PIGN: variants seen among roughly 807,000 people sequenced by gnomAD.
The protein encoded by PIGN is GPI ethanolamine phosphate transferase 1.
Under a neutral mutation model 125.4 loss-of-function variants are expected in PIGN, and 117 were observed. That is an observed-to-expected ratio of 0.93 (90% CI 0.80 to 1.09). The LOEUF (loss-of-function observed/expected upper bound fraction) is 1.09, where lower values mean the gene tolerates loss of function less well. Ranked by LOEUF, PIGN falls within the 50% of genes least tolerant of loss-of-function variation. The pLI is 0.00. For missense variants in PIGN, 1,075 were observed against 1,094.9 expected, an observed-to-expected ratio of 0.98 and a Z score of 0.26; for synonymous variants, 392 against 377.8, an observed-to-expected ratio of 1.04 and a Z score of -0.44.
chr18:62,056,782 C>A (rs141237858), intron 30 of PIGN: 7 of 152,240 alleles, frequency 4.6e-5, no homozygotes, highest in Non-Finnish European at 2.9e-5. Flanking sequence ...GGGAAGTGAG[C>A]GAAGCTTCAT....
intron 22 of PIGN, among the ~76,000 whole-genome samples, chr18:62,096,894 G>A (rs1216994972): frequency 6.7e-6 from 1 of 148,684 alleles, no homozygotes; most frequent in East Asian, 2.0e-4. Flanking sequence ...GTATTCCATG[G>A]TGTATATGTG....
intron 1 of PIGN, among the ~76,000 whole-genome samples, chr18:62,170,119 G>A (rs996359128): frequency 6.6e-6 from 1 of 152,090 alleles, no homozygotes; most frequent in Non-Finnish European, 1.5e-5. Context: ...TTTCCCTAAT[G>A]ACTAATATTA....
At chr18:62,046,003 ACAGG>A in intron 30 of PIGN, 24 bp from the exon 31 acceptor site, 1 of 1,606,020 alleles carries the variant, frequency 6.2e-7, no homozygotes. Context: ...AAAAGATGTT[ACAGG>A]CAGAGAGAAC....
chr18:62,128,040 A>C (rs1171326428), intron 14 of PIGN, among the ~76,000 whole-genome samples: 2 of 152,212 alleles, frequency 1.3e-5, no homozygotes, highest in East Asian at 3.8e-4. Flanking sequence ...CTCTTGGTTT[A>C]GGATATTTAT....
At position 62,090,546 on chromosome 18, in the gene PIGN, C is replaced by T. The variant is rs764133639; in HGVS notation, c.2213G>A (p.Cys738Tyr). Residue 738 changes from cysteine to tyrosine, a missense_variant, in exon 24 of 31, where the codon TGT (cysteine) becomes TAT (tyrosine). This residue lies in a region of PIGN where 915 missense variants were observed against 908.7 expected (regional missense o/e 1.01). Coordinates refer to ENST00000640252, the MANE Select transcript of PIGN (RefSeq NM_176787.5). ...TATGTTTATCCAGACAAACATCAAA[C>T]AAGACAACACTAGTGGAAAGAGAGC... Reference protein sequence around the residue: ...YEALFPLVLSCLMFVWINIEQ... With the variant: ...YEALFPLVLSYLMFVWINIEQ... 23 of 1,609,444 alleles carry T rather than the reference C, an allele frequency of 1.4e-5. No individual in the cohort carries two copies. Among genetic ancestry groups the T allele is most frequent in the Non-Finnish European group, 2.0e-5 (23 of 1,176,914 alleles).
intron 7 of PIGN, among the ~76,000 whole-genome samples, chr18:62,149,877 T>C (rs1414622258): frequency 6.6e-6 from 1 of 152,234 alleles, no homozygotes; most frequent in African/African-American, 2.4e-5. Context: ...GCATTATCTT[T>C]ACTAAGATAG....
At chr18:62,068,980 C>A (rs2032686170) in intron 30 of PIGN, among the ~76,000 whole-genome samples, 1 of 152,188 alleles carries the variant, frequency 6.6e-6, no homozygotes, top group Admixed American at 6.5e-5. Flanking sequence ...CACACTGCAC[C>A]ATATGGCCTG....
intron 30 of PIGN, chr18:62,069,527 T>C (rs1463288430): frequency 6.6e-6 from 1 of 152,184 alleles, no homozygotes; most frequent in Non-Finnish European, 1.5e-5. Flanking sequence ...GGAACAAAAT[T>C]CTGACACATG....
chr18:62,113,316 C>A lies in PIGN; in HGVS notation c.1252G>T (p.Val418Phe). 1 of 1,583,524 alleles carries A rather than the reference C, an allele frequency of 6.3e-7. No homozygotes were observed. The highest frequency in any genetic ancestry group is 1.2e-5 in the South Asian group (1 of 83,890). Residue 418 changes from valine to phenylalanine, a missense_variant and splice_region_variant, in exon 16 of 31, where the codon GTC becomes TTC. Coordinates refer to ENST00000640252, the MANE Select transcript of PIGN (RefSeq NM_176787.5). ...TGAATTAGCTCCTTGCAAAGGGAGA[C>A]CTATGGAGAAAAAACATATATAACT... ...YIKHRKFDEV[V>F]SLCKELIHLA...
intron 25 of PIGN, 159 bp downstream of exon 25, chr18:62,088,597 A>G: frequency 1.9e-6 from 1 of 535,536 alleles, no homozygotes; most frequent in Non-Finnish European, 3.3e-6. Flanking sequence ...CTATAGTTCA[A>G]AAAAATTTTT....
chr18:62,028,479 G>A (rs2030153530), intron 23 of PIGN, among the ~76,000 whole-genome samples: 1 of 152,170 alleles, frequency 6.6e-6, no homozygotes, highest in Admixed American at 6.5e-5. Flanking sequence ...CCATTATTTG[G>A]TATGGCAGTA....
At chr18:62,025,645 G>C (rs1429362143) in intron 23 of PIGN, among the ~76,000 whole-genome samples, 1 of 152,152 alleles carries the variant, frequency 6.6e-6, no homozygotes, top group East Asian at 1.9e-4. Flanking sequence ...ATTCCCTCCA[G>C]GTTGCATCTG....
At chr18:62,029,115 A>C (rs1432390883) in intron 23 of PIGN, among the ~76,000 whole-genome samples, 1 of 152,212 alleles carries the variant, frequency 6.6e-6, no homozygotes. Context: ...CTCCCATGGA[A>C]TCCTGTGCAG....
At chr18:62,068,998 A>G (rs2032687700) in intron 30 of PIGN, among the ~76,000 whole-genome samples, 2 of 152,180 alleles carry the variant, frequency 1.3e-5, no homozygotes, top group Admixed American at 1.3e-4. Context: ...CTGCTCACGG[A>G]TCTGCTTCCT....
At chr18:62,079,615 T>C (rs1023905134) in intron 28 of PIGN, among the ~76,000 whole-genome samples, 4 of 151,392 alleles carry the variant, frequency 2.6e-5, no homozygotes, top group Non-Finnish European at 5.9e-5. Context: ...ATAAAATCTG[T>C]AACTAACAAA....
At chr18:62,145,098 T>C (rs1381473724) in intron 10 of PIGN, among the ~76,000 whole-genome samples, 1 of 152,106 alleles carries the variant, frequency 6.6e-6, no homozygotes, top group African/African-American at 2.4e-5. Context: ...ATTATCATAA[T>C]GTGTAAGTTT....
Position 62,109,982 on chromosome 18 carries a change from TCAAA to T in PIGN, c.1435-13_1435-10del, listed in dbSNP as rs2034811943. 3 of 1,612,622 alleles carry T rather than the reference TCAAA, an allele frequency of 1.9e-6. No individual in the cohort carries two copies. The highest frequency in any genetic ancestry group is 2.7e-5 in the African/African-American group (2 of 74,792). On this transcript the variant is annotated splice_polypyrimidine_tract_variant and intron_variant, in intron 16 of 30. Coordinates refer to ENST00000640252, the MANE Select transcript of PIGN (RefSeq NM_176787.5). ...AGGAGATGGCTTGGTTTCTGAAAAATCAAACAAAACATTGAAACACTTCCAAACC... is the reference window on the plus strand; with the variant it reads ...AGGAGATGGCTTGGTTTCTGAAAAATCAAAACATTGAAACACTTCCAAACC...
At chr18:62,070,551 T>C (rs1025869780) in intron 30 of PIGN, 1 of 397,846 alleles carries the variant, frequency 2.5e-6, no homozygotes. Context: ...ACACATGGTG[T>C]CTCCTGCAAA....
chr18:62,106,697 C>A lies in PIGN; in HGVS notation c.1767+92G>T. On this transcript the variant is annotated intron_variant, in intron 19 of 30. Transcript: ENST00000640252. Reference sequence around the variant, plus strand: ...CTTTTATGTAAGAACACATTCTACCCTTTTCTTTAAAAATAAACAGTTCCT... The same window carrying A: ...CTTTTATGTAAGAACACATTCTACCATTTTCTTTAAAAATAAACAGTTCCT... 3 of 799,636 alleles carry A rather than the reference C, an allele frequency of 3.8e-6. No homozygotes were observed. In the South Asian group the frequency reaches 5.1e-5, roughly 14 times the overall value. The allele number at this position is 799,636 out of a possible 1,614,324, so 49.5% of individuals were successfully genotyped here. A position where few individuals can be genotyped will look rare whatever the true frequency, so the allele number is the denominator to read the frequency against.
Sources: gnomAD v4.1 joint callset for allele counts (sites outside exome capture counted in the v4.1 genomes callset) on GRCh38, gnomAD v4.1.1 for gene constraint, gnomAD v4.1.1 regional missense constraint, MANE v1.5 for transcripts, NCBI Gene and HGNC (gene_info 2026-07-23, HGNC 2026-07-21) for gene names.